The following CTTNBP2 variants were observed in gnomAD, a reference collection of about 807,000 sequenced individuals.
The protein encoded by CTTNBP2 is cortactin binding protein 2.
CTTNBP2 carries 108 observed loss-of-function variants against 156.9 expected under a neutral mutation model. The observed-to-expected ratio is 0.69, with a 90% CI of 0.59 to 0.81. The LOEUF (loss-of-function observed/expected upper bound fraction) is 0.81, where lower values mean the gene tolerates loss of function less well. CTTNBP2 is among the 30% of genes least tolerant of loss of function. The pLI is 0.00. For synonymous variants in CTTNBP2, 767 were observed against 751.8 expected (o/e 1.02, Z -0.33); for missense variants, 1,924 against 2,035.4 (o/e 0.95, Z 1.05).
intron 14 of CTTNBP2, among the ~76,000 whole-genome samples, chr7:117,744,422 A>G (rs556296588): frequency 6.6e-6 from 1 of 152,340 alleles, no homozygotes; most frequent in Non-Finnish European, 1.5e-5. Flanking sequence ...CAAACAATTA[A>G]GAACCTGTGA....
chr7:117,831,984 C>A (rs147780509), intron 2 of CTTNBP2, among the ~76,000 whole-genome samples: 1 of 152,134 alleles, frequency 6.6e-6, no homozygotes, highest in Non-Finnish European at 1.5e-5. Context: ...TATTCCAAAC[C>A]CTTAAATTCA....
intron 4 of CTTNBP2, among the ~76,000 whole-genome samples, chr7:117,785,196 C>T (rs1490797459): frequency 6.6e-6 from 1 of 152,118 alleles, no homozygotes; most frequent in African/African-American, 2.4e-5. Context: ...ACAGGACACT[C>T]AACTATATAA....
intron 9 of CTTNBP2, among the ~76,000 whole-genome samples, chr7:117,765,743 A>G (rs1797450807): frequency 6.6e-6 from 1 of 152,082 alleles, no homozygotes; most frequent in African/African-American, 2.4e-5. Context: ...TTGATGCTTG[A>G]TCTGTTTCCA....
chr7:117,719,891 A>G (rs1323149086), intron 20 of CTTNBP2, among the ~76,000 whole-genome samples: 1 of 152,164 alleles, frequency 6.6e-6, no homozygotes, highest in African/African-American at 2.4e-5. Flanking sequence ...CAAGCTCCTT[A>G]TTCTTGCCGT....
chr7:117,847,182 G>A (rs1802636898), intron 2 of CTTNBP2, among the ~76,000 whole-genome samples: 3 of 152,044 alleles, frequency 2.0e-5, no homozygotes, highest in Admixed American at 6.6e-5. Context: ...TGCACAAGCT[G>A]GTTTTCAAAG....
At chr7:117,756,989 A>T (rs1203418431) in intron 11 of CTTNBP2, among the ~76,000 whole-genome samples, 1 of 152,202 alleles carries the variant, frequency 6.6e-6, no homozygotes, top group Non-Finnish European at 1.5e-5. Context: ...ACAGTTCATA[A>T]GTAAAAGTTA....
intron 7 of CTTNBP2, among the ~76,000 whole-genome samples, chr7:117,780,023 G>A (rs1273137066): frequency 1.3e-5 from 2 of 152,118 alleles, no homozygotes; most frequent in Non-Finnish European, 2.9e-5. Flanking sequence ...GCCTCCCAAA[G>A]TGCTGGGATT....
chr7:117,843,399 T>C (rs1802390324), intron 2 of CTTNBP2, among the ~76,000 whole-genome samples: 1 of 151,994 alleles, frequency 6.6e-6, no homozygotes, highest in Admixed American at 6.5e-5. Context: ...CCATTTTAAA[T>C]AGATGGTCAG....
At chr7:117,722,046 C>A (rs1178518266) in intron 19 of CTTNBP2, among the ~76,000 whole-genome samples, 2 of 152,220 alleles carry the variant, frequency 1.3e-5, no homozygotes, top group Non-Finnish European at 2.9e-5. Context: ...TGTCGAGTTT[C>A]TTTAGTCATA....
At chr7:117,741,130 G>A (rs1562965338) in intron 14 of CTTNBP2, among the ~76,000 whole-genome samples, 1 of 152,176 alleles carries the variant, frequency 6.6e-6, no homozygotes, top group Non-Finnish European at 1.5e-5. Flanking sequence ...CCCATGGAGG[G>A]AGTGAGACCA....
At chr7:117,760,797 A>T in intron 9 of CTTNBP2, 87 bp from the exon 10 acceptor site, 2 of 879,170 alleles carry the variant, frequency 2.3e-6, no homozygotes, top group Non-Finnish European at 3.4e-6. Context: ...GCAGATATAA[A>T]CATTTAAAAA....
chr7:117,738,635 A>C (rs918796358), intron 14 of CTTNBP2, among the ~76,000 whole-genome samples: 2 of 152,186 alleles, frequency 1.3e-5, no homozygotes, highest in Non-Finnish European at 2.9e-5. Flanking sequence ...CTGAGCAGTT[A>C]ATGGAGGCAG....
intron 17 of CTTNBP2, 119 bp downstream of exon 17, chr7:117,727,970 C>T: frequency 1.2e-6 from 1 of 849,648 alleles, no homozygotes; most frequent in Admixed American, 2.4e-5. Context: ...AGAGCACTGG[C>T]ACTCCGTGTC....
intron 12 of CTTNBP2, among the ~76,000 whole-genome samples, chr7:117,752,601 T>G (rs1051236360): frequency 6.6e-6 from 1 of 152,194 alleles, no homozygotes; most frequent in Non-Finnish European, 1.5e-5. Flanking sequence ...AAGTCTTCAC[T>G]ACATGTGGTT....
intron 1 of CTTNBP2, among the ~76,000 whole-genome samples, chr7:117,867,598 A>T (rs1804287062): frequency 6.6e-6 from 1 of 152,090 alleles, no homozygotes; most frequent in Admixed American, 6.5e-5. Flanking sequence ...CAGTATGAAA[A>T]CAGAAAGTGT....
At chr7:117,848,678 T>A (rs1453707465) in intron 2 of CTTNBP2, among the ~76,000 whole-genome samples, 1 of 152,240 alleles carries the variant, frequency 6.6e-6, no homozygotes, top group Non-Finnish European at 1.5e-5. Context: ...AGGACTCTAA[T>A]CATTTGCTCC....
chr7:117,777,508 C>T lies in CTTNBP2; in HGVS notation c.2778+3G>A, dbSNP rs1232275715. ...TGATGAGGCCAGCTGCTACCAGACA[C>T]ACCTTAAAACCTTTGGAAGCAGCAA... On this transcript the variant is annotated splice_donor_region_variant and intron_variant, in intron 8 of 22. Transcript: ENST00000160373. 4 of 1,610,998 alleles carry T rather than the reference C, an allele frequency of 2.5e-6. No individual in the cohort carries two copies. The highest frequency in any genetic ancestry group is 2.2e-5 in the South Asian group (2 of 90,868).
At chr7:117,744,317 C>T (rs1353497165) in intron 14 of CTTNBP2, among the ~76,000 whole-genome samples, 11 of 152,156 alleles carry the variant, frequency 7.2e-5, no homozygotes. Flanking sequence ...CCCCCACCTA[C>T]TCCCCAACAC....
At chr7:117,786,381 C>T (rs1798702279) in intron 4 of CTTNBP2, 1 of 445,506 alleles carries the variant, frequency 2.2e-6, no homozygotes, top group Admixed American at 2.6e-5. Context: ...TTACTTCATA[C>T]TTACAAGAAG....
Sources: gnomAD v4.1 joint callset for allele counts (sites outside exome capture counted in the v4.1 genomes callset) on GRCh38, gnomAD v4.1.1 for gene constraint, MANE v1.5 for transcripts, NCBI Gene and HGNC (gene_info 2026-07-23, HGNC 2026-07-21) for gene names.